PPM1D: variants seen among roughly 807,000 people sequenced by gnomAD.
PPM1D encodes protein phosphatase 1D.
In PPM1D, 52 loss-of-function variants were observed where a neutral mutation model predicts 58.3. The ratio of observed to expected loss-of-function variants is 0.89; its 90% CI spans 0.71 to 1.12. The LOEUF is 1.12. PPM1D is among the 50% of genes most tolerant of loss of function. The pLI is 0.00. For synonymous variants in PPM1D, 278 were observed against 285.1 expected, an observed-to-expected ratio of 0.98 and a Z score of 0.25; for missense variants, 564 against 777.2, an observed-to-expected ratio of 0.73 and a Z score of 3.26.
intron 1 of PPM1D, among the ~76,000 whole-genome samples, chr17:60,602,571 T>A (rs2143612492): frequency 6.6e-6 from 1 of 152,100 alleles, no homozygotes; most frequent in South Asian, 2.1e-4. Context: ...AGGCGTGAGC[T>A]ACCCTGCCGG....
intron 3 of PPM1D, among the ~76,000 whole-genome samples, chr17:60,643,411 A>G (rs947516457): frequency 1.3e-4 from 20 of 152,202 alleles, no homozygotes; most frequent in African/African-American, 4.3e-4. Context: ...GGGTTGGGAA[A>G]GAAGAGCAAA....
chr17:60,620,956 T>C (rs566312465), intron 1 of PPM1D, among the ~76,000 whole-genome samples: 58 of 152,240 alleles, frequency 3.8e-4, no homozygotes, highest in African/African-American at 1.3e-3. Context: ...AGATTCTCGC[T>C]CTGTTGCCCA....
intron 4 of PPM1D, among the ~76,000 whole-genome samples, chr17:60,648,560 T>G (rs2143703785): frequency 6.6e-6 from 1 of 151,882 alleles, no homozygotes; most frequent in East Asian, 1.9e-4. Context: ...AATTTTTGTA[T>G]TTTTAGTAGA....
At chr17:60,625,703 A>G (rs2030792101) in intron 2 of PPM1D, among the ~76,000 whole-genome samples, 1 of 152,228 alleles carries the variant, frequency 6.6e-6, no homozygotes, top group Non-Finnish European at 1.5e-5. Context: ...GGGAAGGTTT[A>G]ATGATAGAGG....
intron 2 of PPM1D, among the ~76,000 whole-genome samples, chr17:60,625,687 T>C (rs577678305): frequency 1.9e-4 from 29 of 152,266 alleles, no homozygotes; most frequent in African/African-American, 6.7e-4. Flanking sequence ...AACTCCCATG[T>C]ATATGGGGAA....
chr17:60,616,796 A>G (rs2030594327), intron 1 of PPM1D, among the ~76,000 whole-genome samples: 1 of 152,216 alleles, frequency 6.6e-6, no homozygotes, highest in Non-Finnish European at 1.5e-5. Flanking sequence ...CTCTTTGTTC[A>G]TGTTAGGCTT....
intron 1 of PPM1D, among the ~76,000 whole-genome samples, chr17:60,606,651 T>C (rs567669588): frequency 6.6e-6 from 1 of 152,348 alleles, no homozygotes; most frequent in African/African-American, 2.4e-5. Context: ...TCTTGAATTA[T>C]TTGGTGTTAA....
intron 3 of PPM1D, among the ~76,000 whole-genome samples, chr17:60,634,976 C>T (rs2143677230): frequency 6.6e-6 from 1 of 151,990 alleles, no homozygotes; most frequent in South Asian, 2.1e-4. Flanking sequence ...GACGGGGTCT[C>T]ACTGTGTTGC....
At chr17:60,653,910 C>T (rs1359153264) in intron 4 of PPM1D, among the ~76,000 whole-genome samples, 1 of 152,162 alleles carries the variant, frequency 6.6e-6, no homozygotes, top group African/African-American at 2.4e-5. Context: ...AATTTATCAG[C>T]TCTAACAGTT....
At chr17:60,606,657 G>A (rs2030335806) in intron 1 of PPM1D, among the ~76,000 whole-genome samples, 1 of 152,024 alleles carries the variant, frequency 6.6e-6, no homozygotes, top group African/African-American at 2.4e-5. Flanking sequence ...ATTATTTGGT[G>A]TTAAGCTTGA....
chr17:60,600,822 T>C lies in PPM1D; in HGVS notation c.408T>C (p.Ala136=). Residue 136 remains alanine, a synonymous_variant, in exon 1 of 6, where the codon GCT becomes GCC. Coordinates refer to ENST00000305921, the MANE Select transcript of PPM1D (RefSeq NM_003620.4). The part of the protein sequence containing the change: ...KQKGFTSSEP[A]KVCAAIRKGF... ...AGGGTTTCACCTCGTCCGAGCCGGC[T>C]AAGGTTTGCGCTGCCATCCGCAAAG... 3 of 1,613,088 alleles carry C rather than the reference T, an allele frequency of 1.9e-6. No homozygotes were observed. Among genetic ancestry groups the C allele is most frequent in the Non-Finnish European group, 2.5e-6 (3 of 1,180,012 alleles).
intron 3 of PPM1D, among the ~76,000 whole-genome samples, chr17:60,642,394 T>C (rs1470744167): frequency 6.7e-6 from 1 of 149,750 alleles, no homozygotes; most frequent in Non-Finnish European, 1.5e-5. Flanking sequence ...AGGAGTTTAA[T>C]TGGGCAATGA....
At chr17:60,635,074 A>G (rs2031044822) in intron 3 of PPM1D, among the ~76,000 whole-genome samples, 1 of 152,054 alleles carries the variant, frequency 6.6e-6, no homozygotes, top group African/African-American at 2.4e-5. Context: ...ACCCAGCACA[A>G]CTACTATATA....
At chr17:60,642,599 C>T (rs1466526135) in intron 3 of PPM1D, among the ~76,000 whole-genome samples, 1 of 152,052 alleles carries the variant, frequency 6.6e-6, no homozygotes, top group Non-Finnish European at 1.5e-5. Context: ...GCTGGGACTA[C>T]AGGCGTGTGC....
intron 1 of PPM1D, among the ~76,000 whole-genome samples, chr17:60,613,979 T>TGCCCAAGGGCTGAGGAGTGCAG (rs1567965604): frequency 7.0e-6 from 1 of 143,714 alleles, no homozygotes; most frequent in Non-Finnish European, 1.5e-5. Context: ...TCCCGTCGAC[T>TGCCCAAGGGCTGAGGAGTGCAG]GCCCAAGGGC....
At chr17:60,602,653 A>T (rs541185362) in intron 1 of PPM1D, among the ~76,000 whole-genome samples, 70 of 152,276 alleles carry the variant, frequency 4.6e-4, no homozygotes, top group African/African-American at 1.3e-3. Flanking sequence ...TTAGTTTTAC[A>T]TACACAGACT....
chr17:60,648,698 G>C (rs997545291), intron 4 of PPM1D, among the ~76,000 whole-genome samples: 37 of 150,998 alleles, frequency 2.5e-4, no homozygotes, highest in Non-Finnish European at 4.6e-4. Flanking sequence ...TCCTTTTAAA[G>C]TGTATAATTC....
intron 1 of PPM1D, among the ~76,000 whole-genome samples, chr17:60,617,060 GCCT>G (rs2030598760): frequency 6.6e-6 from 1 of 151,860 alleles, no homozygotes; most frequent in South Asian, 2.1e-4. Context: ...TGATCCTCCT[GCCT>G]CCTCCTCTGA....
At chr17:60,637,441 T>C (rs2031046442) in intron 3 of PPM1D, among the ~76,000 whole-genome samples, 1 of 152,014 alleles carries the variant, frequency 6.6e-6, no homozygotes, top group African/African-American at 2.4e-5. Flanking sequence ...GCTGGAAAAA[T>C]GGAGTTGCCA....
Sources: allele counts gnomAD v4.1 joint callset (sites outside exome capture counted in the v4.1 genomes callset), GRCh38; gene constraint gnomAD v4.1.1; transcripts MANE v1.5; gene names NCBI Gene and HGNC (gene_info 2026-07-23, HGNC 2026-07-21).